Variants in TENM2 observed in about 807,000 individuals in gnomAD.
The protein encoded by TENM2 is teneurin transmembrane protein 2.
TENM2 carries 52 observed loss-of-function variants against 245.2 expected under a neutral mutation model. The ratio of observed to expected loss-of-function variants is 0.21; its 90% confidence interval spans 0.17 to 0.27. The LOEUF is 0.27. TENM2 is among the 10% of genes least tolerant of loss of function. TENM2 has a pLI of 1.00. For synonymous variants in TENM2, 1,363 were observed against 1,438.9 expected, an observed-to-expected ratio of 0.95 and a Z score of 1.19; for missense variants, 3,046 against 3,666.8, an observed-to-expected ratio of 0.83 and a Z score of 4.37.
intron 5 of TENM2, among the ~76,000 whole-genome samples, chr5:168,029,882 C>G (rs1408046564): frequency 2.0e-5 from 3 of 152,104 alleles, no homozygotes; most frequent in Admixed American, 2.0e-4. Context: ...TATCAAGATC[C>G]AACGGATTTT....
Position 168,034,067 on chromosome 5 carries a change from G to GTATATATATGTATACATATATATGTGTA in TENM2, c.1187-13322_1187-13295dup, listed in dbSNP as rs1359816930. Among the ~76,000 whole-genome samples the GTATATATATGTATACATATATATGTGTA allele has an allele frequency of 1.3e-4, 14 of 105,140 alleles. 1 individual carries two copies. Among genetic ancestry groups the GTATATATATGTATACATATATATGTGTA allele is most frequent in the Middle Eastern group, 0.012 (2 of 168 alleles). 69.0% of individuals were successfully genotyped at this position (105,140 alleles called of 152,430 possible). ...TGTGTGTGTATATATATATATATGT[G>GTATATATATGTATACATATATATGTGTA]TATATATATGTATACATATATATGT... On this transcript the variant is annotated intron_variant, in intron 5 of 28. Coordinates refer to ENST00000518659, the Ensembl canonical transcript of TENM2.
intron 2 of TENM2, among the ~76,000 whole-genome samples, chr5:167,712,386 T>C (rs1455132858): frequency 2.0e-5 from 3 of 152,154 alleles, no homozygotes; most frequent in Non-Finnish European, 4.4e-5. Flanking sequence ...AATATGAATA[T>C]GAAAATGTGA....
intron 3 of TENM2, among the ~76,000 whole-genome samples, chr5:167,933,052 C>A (rs534715264): frequency 7.2e-5 from 11 of 152,270 alleles, no homozygotes; most frequent in Non-Finnish European, 1.2e-4. Context: ...CCTGGGAAAA[C>A]AAGGTCATGT....
intron 27 of TENM2, among the ~76,000 whole-genome samples, chr5:168,250,631 G>A (rs1362176986): frequency 2.0e-5 from 3 of 152,208 alleles, no homozygotes; most frequent in East Asian, 1.9e-4. Flanking sequence ...GACAAGCCCC[G>A]GACCTTTGGA....
At chr5:168,226,358 T>A in intron 24 of TENM2, 95 bp downstream of exon 26, 1 of 1,177,890 alleles carries the variant, frequency 8.5e-7, no homozygotes, top group Non-Finnish European at 1.2e-6. Flanking sequence ...CTGGGAGGAC[T>A]TCCAGAGACC....
intron 7 of TENM2, among the ~76,000 whole-genome samples, chr5:168,070,916 C>T (rs1013028719): frequency 1.3e-5 from 2 of 149,798 alleles, no homozygotes; most frequent in East Asian, 3.9e-4. Flanking sequence ...AAAGAAACCA[C>T]TGTGGAAGTG....
intron 3 of TENM2, among the ~76,000 whole-genome samples, chr5:167,914,700 T>C (rs1776796654): frequency 6.6e-6 from 1 of 152,012 alleles, no homozygotes; most frequent in Admixed American, 6.5e-5. Flanking sequence ...AGCAGGGCCA[T>C]GCTCCCTGAG....
At chr5:167,605,173 G>A (rs1423803870) in intron 2 of TENM2, among the ~76,000 whole-genome samples, 1 of 152,026 alleles carries the variant, frequency 6.6e-6, no homozygotes, top group Non-Finnish European at 1.5e-5. Flanking sequence ...CAGGCCATGG[G>A]GAGTCATTAA....
At chr5:167,006,052 C>T in the TENM2 span, among the ~76,000 whole-genome samples, 2 of 152,056 alleles carry the variant, frequency 1.3e-5, no homozygotes, top group African/African-American at 4.8e-5. Flanking sequence ...TAAATGAAGA[C>T]CTTTCCATGT....
the TENM2 span, among the ~76,000 whole-genome samples, chr5:167,150,080 A>G: frequency 3.4e-4 from 52 of 152,176 alleles, no homozygotes; most frequent in Admixed American, 1.3e-3. Flanking sequence ...AGAATACACC[A>G]TAAGTTAGAA....
At chr5:168,243,722 C>T (rs1053930864) in intron 25 of TENM2, among the ~76,000 whole-genome samples, 1 of 152,170 alleles carries the variant, frequency 6.6e-6, no homozygotes, top group Non-Finnish European at 1.5e-5. Flanking sequence ...GGGTTCAAGT[C>T]TGTTGTATAT....
chr5:167,747,567 C>A (rs1334970876), intron 2 of TENM2, among the ~76,000 whole-genome samples: 4 of 152,104 alleles, frequency 2.6e-5, no homozygotes, highest in Non-Finnish European at 4.4e-5. Flanking sequence ...AATACTTTTG[C>A]CACATTTCGG....
At chr5:168,075,028 C>G (rs1791342602) in intron 7 of TENM2, among the ~76,000 whole-genome samples, 1 of 152,086 alleles carries the variant, frequency 6.6e-6, no homozygotes, top group Non-Finnish European at 1.5e-5. Flanking sequence ...TTTTGGTGCA[C>G]CCATCACCCA....
the TENM2 span, among the ~76,000 whole-genome samples, chr5:167,098,189 A>G: frequency 6.6e-6 from 1 of 152,222 alleles, no homozygotes; most frequent in African/African-American, 2.4e-5. Context: ...AAGAATCATG[A>G]TAAATAACAT....
chr5:167,569,237 A>G (rs2127656852), intron 2 of TENM2, among the ~76,000 whole-genome samples: 1 of 151,970 alleles, frequency 6.6e-6, no homozygotes, highest in Non-Finnish European at 1.5e-5. Flanking sequence ...CATTTCCCCA[A>G]AAAAAGTGTT....
chr5:167,840,451 T>A (rs1464682313), intron 2 of TENM2, among the ~76,000 whole-genome samples: 6 of 152,182 alleles, frequency 3.9e-5, no homozygotes, highest in Non-Finnish European at 5.9e-5. Flanking sequence ...ATGTCACTCT[T>A]TGGCAAATTC....
the TENM2 span, among the ~76,000 whole-genome samples, chr5:167,158,481 G>T: frequency 1.3e-5 from 2 of 152,252 alleles, no homozygotes; most frequent in Admixed American, 1.3e-4. Context: ...GTCATAGTCA[G>T]TTCAGGCTGC....
At chr5:167,880,194 G>A (rs1773763168) in intron 3 of TENM2, among the ~76,000 whole-genome samples, 1 of 151,862 alleles carries the variant, frequency 6.6e-6, no homozygotes, top group South Asian at 2.1e-4. Flanking sequence ...CACCATACTT[G>A]GCTAATTTTT....
the TENM2 span, among the ~76,000 whole-genome samples, chr5:167,134,185 C>T: frequency 2.0e-5 from 3 of 152,064 alleles, no homozygotes; most frequent in Non-Finnish European, 4.4e-5. Flanking sequence ...AAAAAAGAAA[C>T]AGTTATTGAT....
Sources: allele counts gnomAD v4.1 joint callset (sites outside exome capture counted in the v4.1 genomes callset), GRCh38; gene constraint gnomAD v4.1.1; transcripts MANE v1.5; gene names NCBI Gene and HGNC (gene_info 2026-07-23, HGNC 2026-07-21).